KCND2: variants seen among roughly 807,000 people sequenced by gnomAD.
KCND2 encodes A-type voltage-gated potassium channel KCND2.
KCND2 carries 16 observed loss-of-function variants against 54.4 expected under a neutral mutation model. The ratio of observed to expected loss-of-function variants is 0.29; its 90% CI spans 0.20 to 0.45. The LOEUF (loss-of-function observed/expected upper bound fraction) is 0.45, where lower values mean the gene tolerates loss of function less well. Ranked by LOEUF, KCND2 falls within the 20% of genes least tolerant of loss-of-function variation. The pLI, the probability that KCND2 is intolerant of heterozygous loss-of-function variation, is 1.00. For synonymous variants in KCND2, 317 were observed against 310.7 expected (o/e 1.02, Z -0.21); for missense variants, 486 against 824.2 (o/e 0.59, Z 5.02).
At chr7:120,632,959 C>T (rs1793257408) in intron 1 of KCND2, among the ~76,000 whole-genome samples, 1 of 152,166 alleles carries the variant, frequency 6.6e-6, no homozygotes, top group Admixed American at 6.5e-5. Context: ...TAAGGTGAAT[C>T]TCCAATCTTG....
At chr7:120,397,055 C>T (rs1012580079) in intron 1 of KCND2, among the ~76,000 whole-genome samples, 7 of 151,916 alleles carry the variant, frequency 4.6e-5, no homozygotes, top group Non-Finnish European at 7.4e-5. Context: ...TTTATCTACA[C>T]GATCCTAGGA....
intron 1 of KCND2, among the ~76,000 whole-genome samples, chr7:120,635,286 A>G (rs887907233): frequency 5.3e-5 from 8 of 152,232 alleles, no homozygotes; most frequent in African/African-American, 1.9e-4. Context: ...AAATAACAAT[A>G]CTAAGCATTC....
chr7:120,492,404 A>T (rs1224040999), intron 1 of KCND2, among the ~76,000 whole-genome samples: 1 of 152,020 alleles, frequency 6.6e-6, no homozygotes, highest in African/African-American at 2.4e-5. Flanking sequence ...ATGCATACTC[A>T]TATGTACATA....
intron 1 of KCND2, among the ~76,000 whole-genome samples, chr7:120,532,121 C>T (rs1331199783): frequency 1.3e-5 from 2 of 152,010 alleles, no homozygotes; most frequent in Non-Finnish European, 2.9e-5. Flanking sequence ...GTGATTCTAG[C>T]TGAATGTATG....
intron 1 of KCND2, among the ~76,000 whole-genome samples, chr7:120,358,859 G>A (rs1323888773): frequency 6.6e-6 from 1 of 152,136 alleles, no homozygotes; most frequent in African/African-American, 2.4e-5. Flanking sequence ...AGTAAGTTAT[G>A]TTTTCACAAC....
At chr7:120,545,993 A>G (rs1016524622) in intron 1 of KCND2, among the ~76,000 whole-genome samples, 8 of 151,946 alleles carry the variant, frequency 5.3e-5, no homozygotes, top group Admixed American at 5.3e-4. Flanking sequence ...AACAAGAAAT[A>G]AAATGATGGT....
At position 120,274,950 on chromosome 7, in the gene KCND2, T is replaced by C. The variant is rs769794049; in HGVS notation, c.318T>C (p.Tyr106=). 28 of 1,613,932 alleles carry C rather than the reference T, an allele frequency of 1.7e-5. No homozygotes were observed. The highest frequency in any genetic ancestry group is 2.4e-5 in the Non-Finnish European group (28 of 1,180,030). ...LNFYRTGKLH[Y]PRHECISAYD... is the part of the protein sequence containing the mutation. ...TCTACCGCACTGGGAAGCTCCACTA[T>C]CCTCGCCACGAGTGCATCTCTGCTT... Residue 106 remains tyrosine (Y), a synonymous_variant, in exon 1 of 6, where the codon TAT becomes TAC. Coordinates refer to ENST00000331113, the MANE Select transcript of KCND2 (RefSeq NM_012281.3).
At chr7:120,560,925 C>A (rs1165713488) in intron 1 of KCND2, among the ~76,000 whole-genome samples, 2 of 152,100 alleles carry the variant, frequency 1.3e-5, no homozygotes, top group African/African-American at 4.8e-5. Context: ...AAAAATTTGA[C>A]CAAGGTACCA....
At chr7:120,712,343 A>C (rs1302186809) in intron 1 of KCND2, among the ~76,000 whole-genome samples, 1 of 128,376 alleles carries the variant, frequency 7.8e-6, no homozygotes, top group East Asian at 2.4e-4. Context: ...GGCTCACTGC[A>C]ACCTCTGCCT....
intron 1 of KCND2, among the ~76,000 whole-genome samples, chr7:120,402,094 A>T (rs750820114): frequency 3.3e-5 from 5 of 152,208 alleles, no homozygotes; most frequent in Non-Finnish European, 5.9e-5. Context: ...TGAGTTCAGA[A>T]TGAAGCAGAA....
chr7:120,418,799 C>A (rs12673578), intron 1 of KCND2, among the ~76,000 whole-genome samples: 9,418 of 152,096 alleles, frequency 0.062, 1,043 homozygotes, highest in East Asian at 0.53. Flanking sequence ...TCATCCGTAC[C>A]CCACTCCATG....
At chr7:120,431,945 C>T (rs577967944) in intron 1 of KCND2, among the ~76,000 whole-genome samples, 48 of 152,238 alleles carry the variant, frequency 3.2e-4, no homozygotes, top group African/African-American at 1.1e-3. Flanking sequence ...ATTATCGCTT[C>T]ATGCAACAGC....
intron 1 of KCND2, among the ~76,000 whole-genome samples, chr7:120,515,230 A>G (rs1803179108): frequency 1.3e-5 from 2 of 151,670 alleles, no homozygotes. Flanking sequence ...TCTCACCTTC[A>G]CTGTCACCTC....
At chr7:120,470,284 T>C (rs1056156447) in intron 1 of KCND2, among the ~76,000 whole-genome samples, 1 of 152,136 alleles carries the variant, frequency 6.6e-6, no homozygotes, top group Non-Finnish European at 1.5e-5. Context: ...TAGTTCTAAA[T>C]GTTAAATAAA....
intron 1 of KCND2, among the ~76,000 whole-genome samples, chr7:120,561,141 A>G (rs1055888228): frequency 6.6e-6 from 1 of 152,232 alleles, no homozygotes; most frequent in Non-Finnish European, 1.5e-5. Context: ...TCACCTTTTC[A>G]GAACCAGATT....
chr7:120,430,847 C>G (rs983500034), intron 1 of KCND2, among the ~76,000 whole-genome samples: 1 of 152,142 alleles, frequency 6.6e-6, no homozygotes, highest in Non-Finnish European at 1.5e-5. Flanking sequence ...TTCCACTATC[C>G]TTTTTCTTCA....
intron 1 of KCND2, among the ~76,000 whole-genome samples, chr7:120,459,180 A>G (rs1584787733): frequency 6.6e-6 from 1 of 151,994 alleles, no homozygotes; most frequent in East Asian, 1.9e-4. Flanking sequence ...TGCCTCCACC[A>G]TTACCACTTC....
chr7:120,498,363 C>T (rs1802880032), intron 1 of KCND2, among the ~76,000 whole-genome samples: 1 of 151,248 alleles, frequency 6.6e-6, no homozygotes, highest in Non-Finnish European at 1.5e-5. Flanking sequence ...ACCTGTTTTC[C>T]CAGCTACTCA....
intron 1 of KCND2, among the ~76,000 whole-genome samples, chr7:120,324,009 T>G (rs1478838802): frequency 2.1e-5 from 3 of 145,688 alleles, no homozygotes; most frequent in African/African-American, 7.8e-5. Context: ...TGTGAGATGG[T>G]ATCTCATTGT....
Sources: allele counts gnomAD v4.1 joint callset (sites outside exome capture counted in the v4.1 genomes callset), GRCh38; gene constraint gnomAD v4.1.1; transcripts MANE v1.5; gene names NCBI Gene and HGNC (gene_info 2026-07-23, HGNC 2026-07-21).